Variants in KCNA2 observed in about 807,000 individuals in gnomAD.
KCNA2 encodes potassium channel, voltage gated shaker related subfamily A, member 2.
Under a neutral mutation model 33.4 loss-of-function variants are expected in KCNA2, and 11 were observed. The observed-to-expected ratio is 0.33, with a 90% CI of 0.21 to 0.55. The LOEUF (loss-of-function observed/expected upper bound fraction) is 0.55, where lower values mean the gene tolerates loss of function less well. Ranked by LOEUF, KCNA2 falls within the 20% of genes least tolerant of loss-of-function variation. The probability of loss-of-function intolerance (pLI) is 0.93; values close to 1 mark genes in which losing one functional copy is unlikely to be tolerated. For missense variants in KCNA2, 291 were observed against 621.6 expected, an observed-to-expected ratio of 0.47 and a Z score of 5.66; for synonymous variants, 222 against 231.3, an observed-to-expected ratio of 0.96 and a Z score of 0.37.
upstream of KCNA2, among the ~76,000 whole-genome samples, chr1:110,607,065 C>T (rs1479537504): frequency 6.6e-6 from 1 of 151,986 alleles, no homozygotes; most frequent in Non-Finnish European, 1.5e-5. Flanking sequence ...TGCAAGTTCC[C>T]CTTGATCTCC....
chr1:110,601,193 G>C lies in KCNA2; in HGVS notation c.*2090C>G. The C allele has an allele frequency of 1.0e-6, 1 of 985,406 alleles. No homozygotes were observed. Among genetic ancestry groups the C allele is most frequent in the Non-Finnish European group, 1.2e-6 (1 of 829,934 alleles). 61.0% of individuals were successfully genotyped at this position (985,406 alleles called of 1,614,324 possible). A position where few individuals can be genotyped will look rare whatever the true frequency, so the allele number is the denominator to read the frequency against. On this transcript the variant is annotated 3_prime_UTR_variant, in exon 3 of 3. Transcript: ENST00000316361. ...GCTCTGGTTGCCAGTTTAATGGGGAGAGAGTTTGGGTCTGGAGATCAAAAT... is the reference window on the plus strand; with the variant it reads ...GCTCTGGTTGCCAGTTTAATGGGGACAGAGTTTGGGTCTGGAGATCAAAAT...
intron 1 of KCNA2, among the ~76,000 whole-genome samples, chr1:110,630,872 G>A (rs2797531): frequency 0.81 from 123,497 of 151,626 alleles, 50,468 homozygotes; most frequent in Admixed American, 0.83. Flanking sequence ...ACAATCATCT[G>A]TCCCCCTGGC....
chr1:110,605,001 T>G, intron 2 of KCNA2, 56 bp from the exon 3 acceptor site: 1 of 543,856 alleles, frequency 1.8e-6, no homozygotes. Flanking sequence ...CAGCCTGACC[T>G]GGGTTGCCAC....
rs1649323207 is a variant in KCNA2 at position 110,601,115 on chromosome 1, CT to C, written c.*2167del. On this transcript the variant is annotated 3_prime_UTR_variant, in exon 3 of 3. Coordinates refer to ENST00000316361, the MANE Select transcript of KCNA2 (RefSeq NM_004974.4). ...AGTGCTCATTTGCACTCTACTTCTT[CT>C]GGGGGGTGGGAAATGATTCTTTACC... is the stretch of plus-strand genomic sequence containing the variant. 1 of 985,328 alleles carries C rather than the reference CT, an allele frequency of 1.0e-6. No individual in the cohort carries two copies. The highest frequency in any genetic ancestry group is 1.7e-5 in the African/African-American group (1 of 57,220). The allele number at this position is 985,328 out of a possible 1,614,324, so 61.0% of individuals were successfully genotyped here.
intron 1 of KCNA2, among the ~76,000 whole-genome samples, chr1:110,615,399 C>A (rs1375229605): frequency 6.6e-6 from 1 of 152,224 alleles, no homozygotes; most frequent in Non-Finnish European, 1.5e-5. Flanking sequence ...AGTGACTCAG[C>A]CTCTCTGGCT....
chr1:110,598,741 G>C lies in KCNA2; in HGVS notation c.*4542C>G, dbSNP rs182446614. On this transcript the variant is annotated 3_prime_UTR_variant, in exon 3 of 3. Coordinates refer to ENST00000316361, the MANE Select transcript of KCNA2 (RefSeq NM_004974.4). Reference sequence around the variant, plus strand: ...ACACTAGCCTCAGAAACACAGGTGAGAGGGACAGAGGCAAGCAGAGAAGAA... The same window carrying C: ...ACACTAGCCTCAGAAACACAGGTGACAGGGACAGAGGCAAGCAGAGAAGAA... The C allele has an allele frequency of 6.1e-6, 6 of 985,398 alleles. No homozygotes were observed. In the East Asian group the frequency reaches 6.8e-4, roughly 112 times the overall value. The allele number at this position is 985,398 out of a possible 1,614,324, so 61.0% of individuals were successfully genotyped here.
chr1:110,613,448 C>T (rs1053942232), intron 1 of KCNA2, among the ~76,000 whole-genome samples: 1 of 152,258 alleles, frequency 6.6e-6, no homozygotes, highest in Non-Finnish European at 1.5e-5. Flanking sequence ...CCAGCAAACA[C>T]CAGCAGATGC....
chr1:110,603,002 A>G lies in KCNA2; in HGVS notation c.*281T>C, dbSNP rs998822014. 4.5e-5 allele frequency: 58 copies of G among 1,289,902 alleles called. No individual in the cohort carries two copies. In the Middle Eastern group the frequency reaches 1.2e-3, roughly 27 times the overall value. 79.9% of individuals were successfully genotyped at this position (1,289,902 alleles called of 1,614,324 possible). A position where few individuals can be genotyped will look rare whatever the true frequency, so the allele number is the denominator to read the frequency against. The stretch of plus-strand genomic sequence containing the variant: ...ATGGCACTGATATGGTGCACTGTGT[A>G]TGGGATATGAGGTGGCCTCAACGTG... On this transcript the variant is annotated 3_prime_UTR_variant, in exon 3 of 3. Transcript: ENST00000316361. This position sits in a 1 kb window ranked among gnomAD's most constrained non-coding sequence, Gnocchi z 5.7.
rs1649400608 is a variant in KCNA2, at chr1:110,602,384, A to G, written c.*899T>C. The G allele has an allele frequency of 7.2e-7, 1 of 1,398,382 alleles. No individual in the cohort carries two copies. Among genetic ancestry groups the G allele is most frequent in the Non-Finnish European group, 9.3e-7 (1 of 1,080,712 alleles). 86.6% of individuals were successfully genotyped at this position (1,398,382 alleles called of 1,614,324 possible). On this transcript the variant is annotated 3_prime_UTR_variant, in exon 3 of 3. Transcript: ENST00000316361. ...GTTATCTCCTGTGTTTTAAATATTGAGATTCATGCAACAAACACCCATGCA... is the reference window on the plus strand; with the variant it reads ...GTTATCTCCTGTGTTTTAAATATTGGGATTCATGCAACAAACACCCATGCA...
In KCNA2 at chr1:110,600,697, C is replaced by A. The variant is rs1649301850; in HGVS notation, c.*2586G>T. 1 of 985,372 alleles carries A rather than the reference C, an allele frequency of 1.0e-6. No individual in the cohort carries two copies. Among genetic ancestry groups the A allele is most frequent in the Non-Finnish European group, 1.2e-6 (1 of 829,940 alleles). 61.0% of individuals were successfully genotyped at this position (985,372 alleles called of 1,614,324 possible). Reference sequence around the variant, plus strand: ...AGGCCTCAGATATGGGTTGCTTTACCTTCTATTTTCCAAAGATCTGTGTCC... The same window carrying A: ...AGGCCTCAGATATGGGTTGCTTTACATTCTATTTTCCAAAGATCTGTGTCC... On this transcript the variant is annotated 3_prime_UTR_variant, in exon 3 of 3. Transcript: ENST00000316361.
intron 1 of KCNA2, among the ~76,000 whole-genome samples, chr1:110,613,620 G>A (rs1186919037): frequency 6.6e-6 from 1 of 152,214 alleles, no homozygotes; most frequent in Non-Finnish European, 1.5e-5. Flanking sequence ...GGGTCAAGAG[G>A]GAAGACCAGC....
At chr1:110,629,315 G>A (rs1010215131) in intron 1 of KCNA2, among the ~76,000 whole-genome samples, 5 of 152,182 alleles carry the variant, frequency 3.3e-5, no homozygotes, top group African/African-American at 1.2e-4. Flanking sequence ...CAATGGATAT[G>A]AAAGTTTGGG....
At position 110,598,762 on chromosome 1, in the gene KCNA2, A is replaced by T. The variant is rs1322468798; in HGVS notation, c.*4521T>A. Reference sequence around the variant, plus strand: ...GTGAGAGGGACAGAGGCAAGCAGAGAAGAAGGAAGAGAGCATGTCAAATAT... The same window carrying T: ...GTGAGAGGGACAGAGGCAAGCAGAGTAGAAGGAAGAGAGCATGTCAAATAT... On this transcript the variant is annotated 3_prime_UTR_variant, in exon 3 of 3. Coordinates refer to ENST00000316361, the MANE Select transcript of KCNA2 (RefSeq NM_004974.4). 1.0e-6 allele frequency: 1 copy of T among 985,232 alleles called. No homozygotes were observed. 61.0% of individuals were successfully genotyped at this position (985,232 alleles called of 1,614,324 possible).
At chr1:110,607,206 C>G (rs1649684202), upstream of KCNA2, 2 of 152,218 alleles carry the variant, frequency 1.3e-5, no homozygotes, top group African/African-American at 4.8e-5. Flanking sequence ...CGCAGCCGGG[C>G]AGGGAAGGCA....
chr1:110,594,824 T>C lies in KCNA2; in HGVS notation c.*8459A>G. On this transcript the variant is annotated 3_prime_UTR_variant, in exon 3 of 3. Coordinates refer to ENST00000316361, the MANE Select transcript of KCNA2 (RefSeq NM_004974.4). ...ATCCCATTTCTTAGCCTGGAGCTGA[T>C]GTGCTCCTTTCCAGCCCCACCTGGC... is the stretch of plus-strand genomic sequence containing the variant. The C allele has an allele frequency of 2.0e-6, 2 of 984,516 alleles. No individual in the cohort carries two copies. The highest frequency in any genetic ancestry group is 2.4e-6 in the Non-Finnish European group (2 of 829,978). 61.0% of individuals were successfully genotyped at this position (984,516 alleles called of 1,614,324 possible).
chr1:110,599,928 A>G lies in KCNA2; in HGVS notation c.*3355T>C, dbSNP rs1649264454. ...CTGCACCCAGGTTTCTGGTGGGAGG[A>G]AGGTGAATTGGTAGAGACCCCATGC... is the stretch of plus-strand genomic sequence containing the variant. On this transcript the variant is annotated 3_prime_UTR_variant, in exon 3 of 3. Coordinates refer to ENST00000316361, the MANE Select transcript of KCNA2 (RefSeq NM_004974.4). 3.0e-6 allele frequency: 3 copies of G among 985,188 alleles called. No individual in the cohort carries two copies. The highest frequency in any genetic ancestry group is 9.4e-5 in the South Asian group (2 of 21,274). 61.0% of individuals were successfully genotyped at this position (985,188 alleles called of 1,614,324 possible).
Position 110,594,340 on chromosome 1 carries a change from T to TAC in KCNA2, c.*8941_*8942dup, listed in dbSNP as rs148765460. On this transcript the variant is annotated 3_prime_UTR_variant, in exon 3 of 3. Coordinates refer to ENST00000316361, the MANE Select transcript of KCNA2 (RefSeq NM_004974.4). ...ATATATATGTGTGTGTATATATATA[T>TAC]ACACACACATCACACACAATATAAA... The TAC allele has an allele frequency of 4.2e-6, 4 of 960,492 alleles. No homozygotes were observed. The highest frequency in any genetic ancestry group is 4.9e-6 in the Non-Finnish European group (4 of 809,864). The allele number at this position is 960,492 out of a possible 1,614,324, so 59.5% of individuals were successfully genotyped here. A position where few individuals can be genotyped will look rare whatever the true frequency, so the allele number is the denominator to read the frequency against.
chr1:110,599,951 T>C lies in KCNA2; in HGVS notation c.*3332A>G. The stretch of plus-strand genomic sequence containing the variant: ...GGAAGGTGAATTGGTAGAGACCCCA[T>C]GCAATTCCTGGTCTTAGTCAGATAT... On this transcript the variant is annotated 3_prime_UTR_variant, in exon 3 of 3. Transcript: ENST00000316361. 5 of 985,378 alleles carry C rather than the reference T, an allele frequency of 5.1e-6. No homozygotes were observed. The highest frequency in any genetic ancestry group is 6.0e-6 in the Non-Finnish European group (5 of 829,928). The allele number at this position is 985,378 out of a possible 1,614,324, so 61.0% of individuals were successfully genotyped here.
chr1:110,620,968 C>T (rs1325501336), intron 1 of KCNA2, among the ~76,000 whole-genome samples: 1 of 152,210 alleles, frequency 6.6e-6, no homozygotes, highest in African/African-American at 2.4e-5. Flanking sequence ...GAGAATTCAG[C>T]CCCAAGTAGA....
Sources: allele counts gnomAD v4.1 joint callset (sites outside exome capture counted in the v4.1 genomes callset), GRCh38; gene constraint gnomAD v4.1.1; non-coding constraint Gnocchi (gnomAD v3.1); transcripts MANE v1.5; gene names NCBI Gene and HGNC (gene_info 2026-07-23, HGNC 2026-07-21).